SLC17A6: variants seen among roughly 807,000 people sequenced by gnomAD.
SLC17A6 encodes vesicular glutamate transporter 2.
Under a neutral mutation model 67.1 loss-of-function variants are expected in SLC17A6, and 35 were observed. That is an observed-to-expected ratio of 0.52 (90% confidence interval 0.40 to 0.69). The LOEUF is 0.69. SLC17A6 is among the 30% of genes least tolerant of loss of function. The probability of loss-of-function intolerance (pLI) is 0.00; values close to 1 mark genes in which losing one functional copy is unlikely to be tolerated. For missense variants in SLC17A6, 588 were observed against 723.9 expected (o/e 0.81, Z 2.15); for synonymous variants, 285 against 252.3 (o/e 1.13, Z -1.23).
chr11:22,371,386 T>G (rs1310816059), intron 8 of SLC17A6, among the ~76,000 whole-genome samples: 1 of 152,060 alleles, frequency 6.6e-6, no homozygotes. Context: ...AGAGCTCTTT[T>G]GTAATTCCTG....
intron 8 of SLC17A6, among the ~76,000 whole-genome samples, chr11:22,372,035 T>A (rs1283979531): frequency 6.6e-6 from 1 of 152,060 alleles, no homozygotes; most frequent in African/African-American, 2.4e-5. Flanking sequence ...TTAATACCAT[T>A]AAATGATAAT....
chr11:22,356,760 C>A (rs1156644692), intron 3 of SLC17A6, among the ~76,000 whole-genome samples: 3 of 152,190 alleles, frequency 2.0e-5, no homozygotes, highest in Non-Finnish European at 4.4e-5. Flanking sequence ...TGCTTGAACC[C>A]AGGAGGCAGA....
chr11:22,371,237 T>C (rs1856171782), intron 8 of SLC17A6, among the ~76,000 whole-genome samples: 1 of 152,110 alleles, frequency 6.6e-6, no homozygotes, highest in Admixed American at 6.6e-5. Flanking sequence ...ACATTGTCTG[T>C]GCTGGCAATG....
intron 8 of SLC17A6, among the ~76,000 whole-genome samples, chr11:22,372,024 C>T (rs1422405181): frequency 6.6e-6 from 1 of 151,848 alleles, no homozygotes; most frequent in Non-Finnish European, 1.5e-5. Context: ...ATGGTATTAA[C>T]TTAATACCAT....
chr11:22,357,863 G>A (rs1040580834), intron 3 of SLC17A6, among the ~76,000 whole-genome samples: 4 of 152,158 alleles, frequency 2.6e-5, no homozygotes, highest in African/African-American at 9.7e-5. Context: ...ACAGCACAGA[G>A]GAAGAATGGA....
intron 4 of SLC17A6, among the ~76,000 whole-genome samples, chr11:22,360,279 G>A (rs919391354): frequency 1.8e-4 from 27 of 151,996 alleles, no homozygotes; most frequent in Non-Finnish European, 3.4e-4. Flanking sequence ...TGAACAATGA[G>A]AACACATGGA....
intron 3 of SLC17A6, among the ~76,000 whole-genome samples, chr11:22,356,086 C>T (rs1855990342): frequency 6.6e-6 from 1 of 152,070 alleles, no homozygotes; most frequent in African/African-American, 2.4e-5. Context: ...TTACTACTTG[C>T]TTTTTTTCTT....
rs1317237934 is a variant in SLC17A6, at chr11:22,340,185, T to C, written c.87-1343T>C. ...CCGTGTGTGTGAAAACAATTGGGTG[T>C]TCACATAGCACTTAAAACAGCACAG... On this transcript the variant is annotated intron_variant, in intron 1 of 11. Coordinates refer to ENST00000263160, the MANE Select transcript of SLC17A6 (RefSeq NM_020346.3). 2.0e-5 allele frequency among the ~76,000 whole-genome samples: 3 copies of C among 152,236 alleles called. 1 individual carries two copies. The highest frequency in any genetic ancestry group is 4.4e-5 in the Non-Finnish European group (3 of 68,048).
rs975043848 is a variant in SLC17A6, at chr11:22,340,939, AG to A, written c.87-584del. 3.1e-4 allele frequency among the ~76,000 whole-genome samples: 47 copies of A among 152,260 alleles called. 1 individual carries two copies. Among genetic ancestry groups the A allele is most frequent in the Non-Finnish European group, 4.1e-4 (28 of 68,006 alleles). On this transcript the variant is annotated intron_variant, in intron 1 of 11. Coordinates refer to ENST00000263160, the MANE Select transcript of SLC17A6 (RefSeq NM_020346.3). The stretch of plus-strand genomic sequence containing the variant: ...CCAGGGGGTGCTCCAGGCTCAGCTC[AG>A]GGGGTGGATTGGGGAGCGGAATACC...
In SLC17A6 at chr11:22,358,741, T is replaced by C. The variant is rs190152979; in HGVS notation, c.459-672T>C. Among the ~76,000 whole-genome samples the C allele has an allele frequency of 3.8e-3, 576 of 152,266 alleles. 4 individuals are homozygous for C. The highest frequency in any genetic ancestry group is 6.8e-3 in the Middle Eastern group (2 of 292). ...CATTTTTTTCTTGAATGGTTGTATG[T>C]AGGCTGCTCGAGATGTGTCTCAAAC... On this transcript the variant is annotated intron_variant, in intron 3 of 11. Transcript: ENST00000263160.
At chr11:22,358,058 A>G (rs1856010258) in intron 3 of SLC17A6, among the ~76,000 whole-genome samples, 1 of 152,182 alleles carries the variant, frequency 6.6e-6, no homozygotes, top group Non-Finnish European at 1.5e-5. Flanking sequence ...ATTAATAATA[A>G]TCATAGAGGG....
intron 3 of SLC17A6, among the ~76,000 whole-genome samples, chr11:22,357,541 C>T (rs1388877046): frequency 6.6e-6 from 1 of 152,054 alleles, no homozygotes; most frequent in African/African-American, 2.4e-5. Context: ...GGACAGCACT[C>T]CACAACAAAC....
chr11:22,376,480 T>G (rs1333246895), intron 10 of SLC17A6, 65 bp from the exon 11 acceptor site: 2 of 1,586,836 alleles, frequency 1.3e-6, no homozygotes, highest in African/African-American at 1.3e-5. Context: ...GATGTGTGGT[T>G]CTATAGGTAT....
At chr11:22,358,827 G>A (rs1162139256) in intron 3 of SLC17A6, among the ~76,000 whole-genome samples, 2 of 152,148 alleles carry the variant, frequency 1.3e-5, no homozygotes, top group African/African-American at 4.8e-5. Context: ...GCATTATTTC[G>A]AGAACATGTG....
At chr11:22,374,136 G>A (rs1463568518) in intron 8 of SLC17A6, among the ~76,000 whole-genome samples, 1 of 152,100 alleles carries the variant, frequency 6.6e-6, no homozygotes, top group Admixed American at 6.6e-5. Context: ...TGATCTTGGT[G>A]CGTAAAGTTT....
rs1173596617 is a variant in SLC17A6 at position 22,377,385 on chromosome 11, G to A, written c.1414-20G>A. ...ATCATGGGGAGTCAGTTCTCACAGT[G>A]CTGCTTTTTCTCACTGCAGTCACGT... On this transcript the variant is annotated intron_variant, in intron 11 of 11. Transcript: ENST00000263160. 6.3e-7 allele frequency: 1 copy of A among 1,580,638 alleles called. No homozygotes were observed. The highest frequency in any genetic ancestry group is 8.6e-7 in the Non-Finnish European group (1 of 1,160,688).
intron 4 of SLC17A6, 49 bp from the exon 5 acceptor site, chr11:22,360,848 A>C: frequency 1.3e-6 from 2 of 1,522,796 alleles, no homozygotes; most frequent in Non-Finnish European, 1.8e-6. Flanking sequence ...TACTAAAAAG[A>C]CTCTTGATCC....
chr11:22,348,030 C>T (rs1294301271), intron 3 of SLC17A6, among the ~76,000 whole-genome samples: 1 of 152,120 alleles, frequency 6.6e-6, no homozygotes, highest in Non-Finnish European at 1.5e-5. Flanking sequence ...CAGGAAGAAC[C>T]CATATTATTG....
intron 3 of SLC17A6, among the ~76,000 whole-genome samples, chr11:22,349,928 G>A (rs1855920033): frequency 6.6e-6 from 1 of 152,144 alleles, no homozygotes; most frequent in Admixed American, 6.5e-5. Context: ...CCTGAGGTGA[G>A]GAACACTAGT....
Sources: allele counts gnomAD v4.1 joint callset (sites outside exome capture counted in the v4.1 genomes callset), GRCh38; gene constraint gnomAD v4.1.1; transcripts MANE v1.5; gene names NCBI Gene and HGNC (gene_info 2026-07-23, HGNC 2026-07-21).